Variants in SLCO1B1 observed in about 807,000 individuals in gnomAD.
SLCO1B1 encodes the protein OATP-2.
A neutral mutation model predicts 70.1 loss-of-function variants in SLCO1B1; 81 were observed. That is an observed-to-expected ratio of 1.16 (90% CI 0.97 to 1.39). The LOEUF (loss-of-function observed/expected upper bound fraction) is 1.39, where lower values mean the gene tolerates loss of function less well. SLCO1B1 is among the 40% of genes most tolerant of loss of function. The pLI, the probability that SLCO1B1 is intolerant of heterozygous loss-of-function variation, is 0.00. For missense variants in SLCO1B1, 895 were observed against 799.6 expected (o/e 1.12, Z -1.44); for synonymous variants, 283 against 271.5 (o/e 1.04, Z -0.42).
chr12:21,199,079 T>A (rs756599989), intron 8 of SLCO1B1, among the ~76,000 whole-genome samples: 31 of 152,114 alleles, frequency 2.0e-4, no homozygotes, highest in Non-Finnish European at 3.8e-4. Context: ...CATTTTCTTA[T>A]CTCTTCTTTT....
intron 7 of SLCO1B1, among the ~76,000 whole-genome samples, chr12:21,189,605 C>T (rs1941005615): frequency 6.6e-6 from 1 of 152,014 alleles, no homozygotes; most frequent in Admixed American, 6.6e-5. Flanking sequence ...CTCCACCACA[C>T]CTGGCTAATT....
At chr12:21,235,214 A>T (rs998333830) in intron 14 of SLCO1B1, among the ~76,000 whole-genome samples, 1 of 151,562 alleles carries the variant, frequency 6.6e-6, no homozygotes, top group Admixed American at 6.6e-5. Flanking sequence ...TTATTTTATA[A>T]ATATGATTGC....
intron 11 of SLCO1B1, among the ~76,000 whole-genome samples, chr12:21,211,902 G>A (rs1461807021): frequency 6.6e-6 from 1 of 150,620 alleles, no homozygotes; most frequent in African/African-American, 2.4e-5. Context: ...GGGATCGGTG[G>A]TGATATCCCC....
intron 2 of SLCO1B1, among the ~76,000 whole-genome samples, chr12:21,152,558 G>T: frequency 4.7e-4 from 3 of 6,336 alleles, no homozygotes; most frequent in African/African-American, 7.5e-4. Flanking sequence ...TTTTGCCTCT[G>T]GACTGTAACC....
chr12:21,204,304 A>G (rs567991312), intron 10 of SLCO1B1, among the ~76,000 whole-genome samples: 57 of 152,020 alleles, frequency 3.7e-4, no homozygotes, highest in African/African-American at 1.2e-3. Context: ...CAGTATAGTG[A>G]TATTTTCTAA....
At chr12:21,159,005 T>TA (rs1940577821) in intron 2 of SLCO1B1, among the ~76,000 whole-genome samples, 1 of 152,178 alleles carries the variant, frequency 6.6e-6, no homozygotes, top group Non-Finnish European at 1.5e-5. Flanking sequence ...TAATACTTGA[T>TA]ATTCTACTAA....
chr12:21,181,453 T>C (rs12821068), intron 7 of SLCO1B1, among the ~76,000 whole-genome samples: 18,244 of 152,146 alleles, frequency 0.12, 1,295 homozygotes, highest in Non-Finnish European at 0.16. Flanking sequence ...GATTATGACA[T>C]GGTATGATCA....
rs191012897 is a variant in SLCO1B1, at chr12:21,181,148, A to G, written c.727+2128A>G. On this transcript the variant is annotated intron_variant, in intron 7 of 14. Transcript: ENST00000256958. ...TTCCTCAGCTCTGGCCTATTCTTTT[A>G]ATGCACAAATTTAGGCCCTGCATTG... Among the ~76,000 whole-genome samples the G allele has an allele frequency of 1.2e-4, 18 of 152,334 alleles. 1 individual carries two copies. The highest frequency in any genetic ancestry group is 4.1e-4 in the African/African-American group (17 of 41,576).
intron 2 of SLCO1B1, among the ~76,000 whole-genome samples, chr12:21,171,055 G>A (rs1940750648): frequency 6.6e-6 from 1 of 152,226 alleles, no homozygotes; most frequent in Admixed American, 6.5e-5. Context: ...ATATTCTGCT[G>A]TGGCAATATA....
At chr12:21,154,768 T>A (rs1443272695) in intron 2 of SLCO1B1, among the ~76,000 whole-genome samples, 1 of 152,148 alleles carries the variant, frequency 6.6e-6, no homozygotes, top group Admixed American at 6.6e-5. Flanking sequence ...ATTTAAGCAA[T>A]TCTTCCAAAA....
At chr12:21,171,859 G>T (rs1940759401) in intron 2 of SLCO1B1, among the ~76,000 whole-genome samples, 1 of 152,004 alleles carries the variant, frequency 6.6e-6, no homozygotes, top group African/African-American at 2.4e-5. Flanking sequence ...GAGAAAGAGA[G>T]AAATAGAGGG....
intron 2 of SLCO1B1, among the ~76,000 whole-genome samples, chr12:21,154,592 C>T (rs1940515914): frequency 6.6e-6 from 1 of 152,016 alleles, no homozygotes; most frequent in African/African-American, 2.4e-5. Flanking sequence ...CAATATGATG[C>T]TATCTGGATT....
intron 7 of SLCO1B1, among the ~76,000 whole-genome samples, chr12:21,196,386 CCTTAA>C (rs1449484179): frequency 6.6e-6 from 1 of 152,002 alleles, no homozygotes; most frequent in Non-Finnish European, 1.5e-5. Flanking sequence ...GTTAAATTAT[CCTTAA>C]CTTTTAGAGT....
intron 2 of SLCO1B1, among the ~76,000 whole-genome samples, chr12:21,157,199 T>A (rs2121070626): frequency 6.6e-6 from 1 of 152,228 alleles, no homozygotes; most frequent in South Asian, 2.1e-4. Context: ...AAACAAAAAC[T>A]TGGCCCAGAT....
At chr12:21,160,155 T>C (rs988414794) in intron 2 of SLCO1B1, among the ~76,000 whole-genome samples, 1 of 120,074 alleles carries the variant, frequency 8.3e-6, no homozygotes, top group Non-Finnish European at 1.8e-5. Flanking sequence ...AGAACCAAAA[T>C]GGCCAAATAG....
chr12:21,212,218 T>A (rs1361459522), intron 11 of SLCO1B1, among the ~76,000 whole-genome samples: 1 of 103,704 alleles, frequency 9.6e-6, no homozygotes, highest in African/African-American at 3.7e-5. Flanking sequence ...TAAATTTCCC[T>A]CTACACACTG....
chr12:21,136,103 T>C (rs1008553337), intron 1 of SLCO1B1, among the ~76,000 whole-genome samples: 11 of 152,202 alleles, frequency 7.2e-5, no homozygotes, highest in African/African-American at 2.7e-4. Context: ...TTCGTTTGGC[T>C]GGATATGAAA....
At chr12:21,146,895 G>A (rs1940392667) in intron 2 of SLCO1B1, among the ~76,000 whole-genome samples, 1 of 152,098 alleles carries the variant, frequency 6.6e-6, no homozygotes, top group South Asian at 2.1e-4. Flanking sequence ...TGTGTATTCT[G>A]TTGTTGTTGG....
At chr12:21,147,417 C>T (rs990977401) in intron 2 of SLCO1B1, among the ~76,000 whole-genome samples, 83 of 152,120 alleles carry the variant, frequency 5.5e-4, no homozygotes, top group Non-Finnish European at 6.8e-4. Context: ...GGAATTTCTC[C>T]TAATGCTACT....
Sources: allele counts gnomAD v4.1 joint callset (sites outside exome capture counted in the v4.1 genomes callset), GRCh38; gene constraint gnomAD v4.1.1; transcripts MANE v1.5; gene names NCBI Gene and HGNC (gene_info 2026-07-23, HGNC 2026-07-21).